AFMID: variants seen among roughly 807,000 people sequenced by gnomAD.
AFMID encodes kynurenine formamidase.
Under a neutral mutation model 47.5 loss-of-function variants are expected in AFMID, and 39 were observed. The ratio of observed to expected loss-of-function variants is 0.82; its 90% confidence interval spans 0.64 to 1.07. The LOEUF is 1.07. Ranked by LOEUF, AFMID falls within the 50% of genes least tolerant of loss-of-function variation. The pLI is 0.00. For synonymous variants in AFMID, 130 were observed against 153.2 expected, an observed-to-expected ratio of 0.85 and a Z score of 1.12; for missense variants, 375 against 387.5, an observed-to-expected ratio of 0.97 and a Z score of 0.27.
At chr17:78,189,762 T>G (rs1171492958) in intron 1 of AFMID, among the ~76,000 whole-genome samples, 2 of 151,172 alleles carry the variant, frequency 1.3e-5, no homozygotes, top group Non-Finnish European at 2.9e-5. Context: ...TCAAGTGATC[T>G]GCCTATCTTG....
rs139721769 is a variant in AFMID, at chr17:78,207,496, C to A, written c.*559C>A. ...ACGGGGTTTCAACATATTGGCCAGG[C>A]TGGTCTCAAACTCCTAACCTTGTGA... is the stretch of plus-strand genomic sequence containing the variant. On this transcript the variant is annotated 3_prime_UTR_variant, in exon 11 of 11. Transcript: ENST00000409257. 2,387 of 152,650 alleles carry A rather than the reference C, an allele frequency of 0.016. 62 individuals are homozygous for A. The highest frequency in any genetic ancestry group is 0.053 in the African/African-American group (2,199 of 41,454). The allele number at this position is 152,650 out of a possible 1,614,324, so 9.5% of individuals were successfully genotyped here.
chr17:78,191,535 A>G (rs768091941), intron 2 of AFMID, among the ~76,000 whole-genome samples: 5 of 152,102 alleles, frequency 3.3e-5, no homozygotes, highest in Admixed American at 1.3e-4. Flanking sequence ...AAATACAAAA[A>G]TTAGCTGGAC....
chr17:78,193,398 A>AGT (rs2076026959), intron 2 of AFMID, among the ~76,000 whole-genome samples: 1 of 140,202 alleles, frequency 7.1e-6, no homozygotes, highest in Admixed American at 7.5e-5. Flanking sequence ...AAAAAAAAAA[A>AGT]GCTGTAAGCA....
chr17:78,206,051 G>A lies in AFMID; in HGVS notation c.885+1G>A. 6.2e-7 allele frequency: 1 copy of A among 1,613,896 alleles called. No homozygotes were observed. Among genetic ancestry groups the A allele is most frequent in the Non-Finnish European group, 8.5e-7 (1 of 1,179,846 alleles). On this transcript the variant is annotated splice_donor_variant, in intron 10 of 10. Transcript: ENST00000409257. LOFTEE classifies it high-confidence loss of function. ...CCAGAAGGACAACGTGCTCACCCAG[G>A]TGGGGCCTCATCCCTGGCAGCCCTT... is the stretch of plus-strand genomic sequence containing the variant.
chr17:78,206,873 T>C (rs753888430), intron 10 of AFMID, 38 bp from the exon 11 acceptor site: 2 of 1,612,538 alleles, frequency 1.2e-6, no homozygotes, highest in Non-Finnish European at 1.7e-6. Flanking sequence ...AGAGCTGCTC[T>C]GATTCTGGGG....
chr17:78,202,319 C>T (rs1361705671), intron 2 of AFMID, among the ~76,000 whole-genome samples, 180 bp from the exon 3 acceptor site: 1 of 151,934 alleles, frequency 6.6e-6, no homozygotes, highest in Non-Finnish European at 1.5e-5. Flanking sequence ...GTCCCAGCTA[C>T]TTGGGAGGCT....
chr17:78,190,815 C>T lies in AFMID; in HGVS notation c.64-155C>T, dbSNP rs143764035. ...TAAAGGCACAGCGGTCGCTGGTATACCTCTAGACCATGGATCTGAGGGCAT... is the reference window on the plus strand; with the variant it reads ...TAAAGGCACAGCGGTCGCTGGTATATCTCTAGACCATGGATCTGAGGGCAT... On this transcript the variant is annotated intron_variant, in intron 1 of 10. Transcript: ENST00000409257. 5.5e-4 allele frequency: 361 copies of T among 651,080 alleles called. 1 individual carries two copies. Among genetic ancestry groups the T allele is most frequent in the Middle Eastern group, 3.0e-3 (7 of 2,356 alleles). 40.3% of individuals were successfully genotyped at this position (651,080 alleles called of 1,614,324 possible).
At chr17:78,197,026 G>A (rs1379425968) in intron 2 of AFMID, 1 of 834,260 alleles carries the variant, frequency 1.2e-6, no homozygotes, top group Non-Finnish European at 2.0e-6. Flanking sequence ...ATCTGAGAGA[G>A]GCTTATGCAT....
intron 2 of AFMID, among the ~76,000 whole-genome samples, chr17:78,196,423 A>G (rs868308786): frequency 6.6e-6 from 1 of 152,204 alleles, no homozygotes; most frequent in Non-Finnish European, 1.5e-5. Context: ...CACGCCTGTA[A>G]TCCCAGCACT....
At chr17:78,199,709 G>C (rs1401305912) in intron 2 of AFMID, among the ~76,000 whole-genome samples, 3 of 152,182 alleles carry the variant, frequency 2.0e-5, no homozygotes, top group Admixed American at 1.3e-4. Flanking sequence ...TGGCCACCAA[G>C]GCTGGGGACC....
rs1461865489 is a variant in AFMID, at chr17:78,207,445, G to C, written c.*508G>C. ...ACTACAGGCGCCTGCCATCATGCCT[G>C]GCTAATTTTTGTATTTTTAGTAGAG... On this transcript the variant is annotated 3_prime_UTR_variant, in exon 11 of 11. Transcript: ENST00000409257. 1 of 154,358 alleles carries C rather than the reference G, an allele frequency of 6.5e-6. No homozygotes were observed. The highest frequency in any genetic ancestry group is 6.5e-5 in the Admixed American group (1 of 15,280). The allele number at this position is 154,358 out of a possible 1,614,324, so 9.6% of individuals were successfully genotyped here.
intron 1 of AFMID, among the ~76,000 whole-genome samples, chr17:78,188,188 A>AT (rs2075855888): frequency 6.6e-6 from 1 of 151,938 alleles, no homozygotes; most frequent in Non-Finnish European, 1.5e-5. Flanking sequence ...AAAGAAACCC[A>AT]TTGTATAATC....
intron 10 of AFMID, 121 bp downstream of exon 10, chr17:78,206,171 A>G: frequency 2.6e-6 from 2 of 776,774 alleles, no homozygotes; most frequent in South Asian, 3.3e-5. Flanking sequence ...CTCCGTGTCT[A>G]CTAAAAATAC....
chr17:78,187,891 G>T (rs2075840296), intron 1 of AFMID, among the ~76,000 whole-genome samples: 2 of 145,662 alleles, frequency 1.4e-5, no homozygotes, highest in East Asian at 4.2e-4. Flanking sequence ...GGTGGAGGTT[G>T]CAGTGAGCCG....
chr17:78,206,933 A>G lies in AFMID; in HGVS notation c.908A>G (p.Gln303Arg). The G allele has an allele frequency of 6.2e-7, 1 of 1,614,040 alleles. No homozygotes were observed. Among genetic ancestry groups the G allele is most frequent in the Non-Finnish European group, 8.5e-7 (1 of 1,179,994 alleles). The change falls in exon 11 of 11, where the codon CAG (glutamine) becomes CGG (arginine). Residue 303 changes from glutamine to arginine, a missense_variant. Coordinates refer to ENST00000409257, the MANE Select transcript of AFMID (RefSeq NM_001010982.5). Reference sequence around the variant, plus strand: ...CAGATTATCTTGAAAACAATCTTCCAGTAGTTCTGACGATACTTGGAGCCT... The same window carrying G: ...CAGATTATCTTGAAAACAATCTTCCGGTAGTTCTGACGATACTTGGAGCCT... ...LTQIILKTIF[Q>R] is the part of the protein sequence containing the mutation.
At chr17:78,191,135 G>A (rs2075957156) in intron 2 of AFMID, 75 bp downstream of exon 2, 1 of 1,346,836 alleles carries the variant, frequency 7.4e-7, no homozygotes, top group Non-Finnish European at 1.0e-6. Context: ...GCTGGGGGTT[G>A]GGGGGGCTGT....
chr17:78,190,733 T>C (rs2075943006), intron 1 of AFMID: 1 of 466,734 alleles, frequency 2.1e-6, no homozygotes, highest in African/African-American at 2.0e-5. Context: ...GTGCCCATGA[T>C]GGCATTAACT....
At chr17:78,201,304 A>C (rs1316919379) in intron 2 of AFMID, among the ~76,000 whole-genome samples, 3 of 151,482 alleles carry the variant, frequency 2.0e-5, no homozygotes, top group Non-Finnish European at 4.4e-5. Context: ...AAAAAAAAAA[A>C]AACGATGAAT....
chr17:78,188,117 T>C (rs2075852918), intron 1 of AFMID, among the ~76,000 whole-genome samples: 1 of 151,624 alleles, frequency 6.6e-6, no homozygotes, highest in Non-Finnish European at 1.5e-5. Flanking sequence ...TACATTGGGG[T>C]TGTGAAGGTT....
Sources: allele counts gnomAD v4.1 joint callset (sites outside exome capture counted in the v4.1 genomes callset), GRCh38; gene constraint gnomAD v4.1.1; transcripts MANE v1.5; gene names NCBI Gene and HGNC (gene_info 2026-07-23, HGNC 2026-07-21).